Variants in LRBA observed in about 807,000 individuals in gnomAD.
LRBA encodes LPS responsive beige-like anchor protein.
In LRBA, 176 loss-of-function variants were observed where a neutral mutation model predicts 330.0. That is an observed-to-expected ratio of 0.53 (90% CI 0.47 to 0.60). The LOEUF is 0.60. Among genes scored for constraint, LRBA ranks in the 20% least tolerant of loss-of-function variants. The pLI is 0.00. For missense variants in LRBA, 3,259 were observed against 3,444.8 expected (o/e 0.95, Z 1.35); for synonymous variants, 1,230 against 1,193.0 (o/e 1.03, Z -0.64).
chr4:150,490,592 TC>T (rs1758790519), intron 41 of LRBA, among the ~76,000 whole-genome samples: 1 of 151,876 alleles, frequency 6.6e-6, no homozygotes, highest in East Asian at 1.9e-4. Flanking sequence ...GCAGCCACCT[TC>T]CAGAAGGAAT....
At chr4:150,630,572 T>C (rs758244003) in intron 37 of LRBA, among the ~76,000 whole-genome samples, 1 of 151,424 alleles carries the variant, frequency 6.6e-6, no homozygotes, top group African/African-American at 2.4e-5. Context: ...TTAAACAGGT[T>C]TACAGATTAC....
intron 37 of LRBA, chr4:150,679,752 A>C (rs906076143): frequency 6.6e-6 from 1 of 152,202 alleles, no homozygotes; most frequent in Admixed American, 6.5e-5. Context: ...AGCATTCAAG[A>C]ATTTTGATAT....
intron 44 of LRBA, among the ~76,000 whole-genome samples, chr4:150,450,791 T>C (rs1484070284): frequency 6.6e-6 from 1 of 152,102 alleles, no homozygotes; most frequent in East Asian, 1.9e-4. Context: ...TCCTAGCACT[T>C]TGGGAGGCCA....
intron 22 of LRBA, among the ~76,000 whole-genome samples, chr4:150,866,093 A>G (rs745377851): frequency 2.0e-5 from 3 of 152,216 alleles, no homozygotes; most frequent in Non-Finnish European, 2.9e-5. Context: ...TGTAACACTT[A>G]AAGATATAGA....
intron 35 of LRBA, among the ~76,000 whole-genome samples, chr4:150,739,068 T>G (rs1731599537): frequency 6.6e-6 from 1 of 152,018 alleles, no homozygotes; most frequent in Non-Finnish European, 1.5e-5. Context: ...TCAGAAAACA[T>G]GAACAATTTT....
At chr4:150,688,198 T>C (rs1478394995) in intron 36 of LRBA, among the ~76,000 whole-genome samples, 3 of 152,006 alleles carry the variant, frequency 2.0e-5, no homozygotes, top group African/African-American at 4.8e-5. Context: ...AAACAAGAAA[T>C]GGGGAAAGGA....
chr4:150,545,416 A>C (rs1043184084), intron 40 of LRBA, among the ~76,000 whole-genome samples: 1 of 152,178 alleles, frequency 6.6e-6, no homozygotes, highest in African/African-American at 2.4e-5. Context: ...GAAACCTATC[A>C]GTTAAATTCA....
intron 30 of LRBA, among the ~76,000 whole-genome samples, chr4:150,820,841 A>G (rs1246347536): frequency 6.6e-6 from 1 of 152,120 alleles, no homozygotes; most frequent in Admixed American, 6.6e-5. Context: ...GTTGTTAAAT[A>G]TAAGTATAAA....
intron 40 of LRBA, among the ~76,000 whole-genome samples, chr4:150,586,175 G>A (rs1410254008): frequency 6.6e-6 from 1 of 152,110 alleles, no homozygotes; most frequent in East Asian, 1.9e-4. Context: ...CAAACAGTAG[G>A]TGCTTACATT....
In LRBA at chr4:150,365,996, G is replaced by A. The variant is rs182174669; in HGVS notation, c.7195-15837C>T. Among the ~76,000 whole-genome samples, 1,045 of 151,986 alleles carry A rather than the reference G, an allele frequency of 6.9e-3. 10 individuals are homozygous for A. The highest frequency in any genetic ancestry group is 0.011 in the South Asian group (53 of 4,822). ...TGGAAAATACCTTAAATACTTCCAC[G>A]TAATAACACTGCTCAAACTATTCAA... On this transcript the variant is annotated intron_variant, in intron 47 of 56. Coordinates refer to ENST00000651943, the MANE Select transcript of LRBA (RefSeq NM_001364905.1).
intron 47 of LRBA, among the ~76,000 whole-genome samples, chr4:150,355,608 C>CT (rs1737733530): frequency 6.6e-6 from 1 of 152,192 alleles, no homozygotes; most frequent in South Asian, 2.1e-4. Flanking sequence ...TCCCAGGCTT[C>CT]TAGAAGGCCC....
intron 17 of LRBA, among the ~76,000 whole-genome samples, chr4:150,879,568 A>T (rs971963576): frequency 3.9e-5 from 6 of 152,176 alleles, no homozygotes; most frequent in Admixed American, 1.3e-4. Flanking sequence ...GACAAAAAAA[A>T]TTCAAACTCT....
chr4:150,335,927 C>T (rs1734668789), intron 48 of LRBA, among the ~76,000 whole-genome samples: 1 of 152,136 alleles, frequency 6.6e-6, no homozygotes, highest in South Asian at 2.1e-4. Context: ...AACTCCTGAG[C>T]TCAAATGATC....
chr4:150,543,046 T>TC (rs1285179753), intron 40 of LRBA, among the ~76,000 whole-genome samples: 6 of 152,138 alleles, frequency 3.9e-5, no homozygotes, highest in Non-Finnish European at 8.8e-5. Flanking sequence ...CACAAAAAAC[T>TC]AGAACACATA....
chr4:150,863,736 T>C (rs1215150389), intron 22 of LRBA, among the ~76,000 whole-genome samples: 1 of 152,142 alleles, frequency 6.6e-6, no homozygotes, highest in Non-Finnish European at 1.5e-5. Context: ...TTTCATTACT[T>C]ACACAAACGG....
chr4:150,414,354 T>A (rs1365566633), intron 47 of LRBA, among the ~76,000 whole-genome samples: 1 of 152,172 alleles, frequency 6.6e-6, no homozygotes, highest in Non-Finnish European at 1.5e-5. Context: ...TAATTGTTGG[T>A]ATGAAAAGAA....
At chr4:150,860,580 C>T (rs1340168759) in intron 22 of LRBA, among the ~76,000 whole-genome samples, 1 of 152,134 alleles carries the variant, frequency 6.6e-6, no homozygotes, top group Admixed American at 6.5e-5. Context: ...GTAATCCCAG[C>T]ATTTTGGGAG....
chr4:150,968,202 C>T (rs533579259), intron 2 of LRBA, among the ~76,000 whole-genome samples: 137 of 152,174 alleles, frequency 9.0e-4, no homozygotes, highest in African/African-American at 3.0e-3. Flanking sequence ...TGGGGTTTCA[C>T]CATGTTGGCC....
chr4:150,852,204 G>GT lies in LRBA; in HGVS notation c.3505dup (p.Thr1169AsnfsTer2), dbSNP rs754990393. The GT allele has an allele frequency of 6.2e-7, 1 of 1,614,110 alleles. No homozygotes were observed. Among genetic ancestry groups the GT allele is most frequent in the South Asian group, 1.1e-5 (1 of 91,076 alleles). ...AGAATCTTTAGAATCTTGAGTTTCA[G>GT]TATCAGTTTGCTTTTCAGTAACAGG... On this transcript the variant is annotated frameshift_variant, in exon 23 of 57. Coordinates refer to ENST00000651943, the MANE Select transcript of LRBA (RefSeq NM_001364905.1). LOFTEE classifies it high-confidence loss of function.
Sources: gnomAD v4.1 joint callset for allele counts (sites outside exome capture counted in the v4.1 genomes callset) on GRCh38, gnomAD v4.1.1 for gene constraint, MANE v1.5 for transcripts, NCBI Gene and HGNC (gene_info 2026-07-23, HGNC 2026-07-21) for gene names.